Variants in PIP5K1A observed in about 807,000 individuals in gnomAD.
PIP5K1A encodes the protein phosphatidylinositol-4-phosphate 5-kinase type 1 alpha, also known as phosphatidylinositol 4-phosphate 5-kinase type-1 alpha.
PIP5K1A carries 46 observed loss-of-function variants against 72.9 expected under a neutral mutation model. The ratio of observed to expected loss-of-function variants is 0.63; its 90% confidence interval spans 0.50 to 0.81. The LOEUF is 0.81. Among genes scored for constraint, PIP5K1A ranks in the 30% least tolerant of loss-of-function variants. The pLI is 0.00. For missense variants in PIP5K1A, 458 were observed against 706.1 expected (o/e 0.65, Z 3.98); for synonymous variants, 228 against 255.1 (o/e 0.89, Z 1.01).
upstream of PIP5K1A, among the ~76,000 whole-genome samples, chr1:151,198,305 G>C (rs1365812939): frequency 6.6e-6 from 1 of 152,026 alleles, no homozygotes; most frequent in Non-Finnish European, 1.5e-5. Flanking sequence ...TTGGCGGACC[G>C]ACTCTTGTCC....
At chr1:151,210,725 A>G (rs1456150315) in intron 1 of PIP5K1A, among the ~76,000 whole-genome samples, 3 of 152,040 alleles carry the variant, frequency 2.0e-5, no homozygotes, top group Non-Finnish European at 4.4e-5. Context: ...AGTCGGGATT[A>G]CAGGTGTGCG....
chr1:151,244,311 T>C (rs1342830537), intron 14 of PIP5K1A, among the ~76,000 whole-genome samples: 1 of 152,184 alleles, frequency 6.6e-6, no homozygotes, highest in African/African-American at 2.4e-5. Flanking sequence ...ACTATTTACA[T>C]AGCATTTACA....
At chr1:151,220,695 G>C (rs893732643) in intron 1 of PIP5K1A, among the ~76,000 whole-genome samples, 15 of 152,172 alleles carry the variant, frequency 9.9e-5, no homozygotes, top group African/African-American at 3.6e-4. Flanking sequence ...TCGAACTCCT[G>C]ACCTCACGTG....
At chr1:151,232,155 C>A (rs1690175333) in intron 5 of PIP5K1A, 93 bp from the exon 6 acceptor site, 1 of 830,626 alleles carries the variant, frequency 1.2e-6, no homozygotes, top group Non-Finnish European at 2.1e-6. Context: ...CCCCACTCCC[C>A]CCACCATGAG....
Position 151,232,257 on chromosome 1 carries a change from C to T in PIP5K1A, c.378C>T (p.Ser126=), listed in dbSNP as rs1403169521. The T allele has an allele frequency of 6.2e-7, 1 of 1,611,564 alleles. No individual in the cohort carries two copies. The highest frequency in any genetic ancestry group is 1.7e-5 in the Admixed American group (1 of 60,008). ...CTGTTTAACCCCACAGTGAAGGGAG[C>T]AACCTGACCCCTGCTCATCACTACA... ...VESIFFPSEG[S]NLTPAHHYND... is the part of the protein sequence containing the mutation. Residue 126 remains serine (S), a synonymous_variant, in exon 6 of 16, where the codon AGC becomes AGT. Transcript: ENST00000368888.
chr1:151,200,812 G>GTATTTATTTATT lies in PIP5K1A; in HGVS notation c.85+1753_85+1764dup, dbSNP rs36040796. 6.5e-3 allele frequency among the ~76,000 whole-genome samples: 970 copies of GTATTTATTTATT among 149,446 alleles called. 7 individuals carry two copies. Among genetic ancestry groups the GTATTTATTTATT allele is most frequent in the African/African-American group, 0.022 (873 of 40,340 alleles). Reference sequence around the variant, plus strand: ...AATAGGATAAAGTAAAAGTGACAGGGTATTTATTTATTTATTTATTTATTT... The same window carrying GTATTTATTTATT: ...AATAGGATAAAGTAAAAGTGACAGGGTATTTATTTATTTATTTATTTATTTATTTATTTATTT... On this transcript the variant is annotated intron_variant, in intron 1 of 15. Coordinates refer to ENST00000368888, the MANE Select transcript of PIP5K1A (RefSeq NM_001135638.2).
chr1:151,244,191 AAAAGTC>A (rs1692163992), intron 14 of PIP5K1A, among the ~76,000 whole-genome samples: 1 of 146,580 alleles, frequency 6.8e-6, no homozygotes, highest in Non-Finnish European at 1.5e-5. Context: ...AAAAAAAAAA[AAAAGTC>A]GTGAAAATGT....
At chr1:151,233,130 T>G (rs1004989518) in intron 7 of PIP5K1A, among the ~76,000 whole-genome samples, 1 of 151,524 alleles carries the variant, frequency 6.6e-6, no homozygotes, top group African/African-American at 2.4e-5. Context: ...GTTGTTCAGT[T>G]TTGTGCTTTT....
chr1:151,204,374 G>A (rs1048058407), intron 1 of PIP5K1A, among the ~76,000 whole-genome samples: 1 of 151,980 alleles, frequency 6.6e-6, no homozygotes, highest in African/African-American at 2.4e-5. Flanking sequence ...ACGGGGTTTC[G>A]CCATGTTGGC....
At chr1:151,229,191 A>AAC (rs1553298123) in intron 4 of PIP5K1A, among the ~76,000 whole-genome samples, 4 of 149,712 alleles carry the variant, frequency 2.7e-5, no homozygotes, top group Admixed American at 2.7e-4. Context: ...AAAAAAAAAA[A>AAC]AACAGGAAAG....
At chr1:151,243,005 G>A (rs1691984850) in intron 14 of PIP5K1A, among the ~76,000 whole-genome samples, 1 of 152,196 alleles carries the variant, frequency 6.6e-6, no homozygotes, top group South Asian at 2.1e-4. Context: ...GTGAACAAGA[G>A]AGCATGTGCC....
intron 4 of PIP5K1A, among the ~76,000 whole-genome samples, chr1:151,230,110 A>G (rs962041197): frequency 2.0e-5 from 3 of 152,104 alleles, no homozygotes; most frequent in Non-Finnish European, 2.9e-5. Flanking sequence ...ACAAAAAACT[A>G]GTTGTAATTT....
intron 14 of PIP5K1A, among the ~76,000 whole-genome samples, chr1:151,246,700 G>A (rs768509274): frequency 1.4e-4 from 22 of 152,264 alleles, no homozygotes; most frequent in Non-Finnish European, 2.9e-4. Flanking sequence ...ACAGAAGAGG[G>A]CAGGGTACTG....
rs777320051 is a variant in PIP5K1A, at chr1:151,227,278, T to C, written c.157-42T>C. On this transcript the variant is annotated intron_variant, in intron 3 of 15. Coordinates refer to ENST00000368888, the MANE Select transcript of PIP5K1A (RefSeq NM_001135638.2). ...GTACCATTGTGGTAGCTATTTGGTG[T>C]CTTACATGGGAATTGTATTATAATC... is the stretch of plus-strand genomic sequence containing the variant. 1.1e-5 allele frequency: 13 copies of C among 1,192,048 alleles called. No homozygotes were observed. The South Asian group carries it at 1.6e-4, about 15-fold the overall frequency. 73.8% of individuals were successfully genotyped at this position (1,192,048 alleles called of 1,614,324 possible). A position where few individuals can be genotyped will look rare whatever the true frequency, so the allele number is the denominator to read the frequency against.
intron 1 of PIP5K1A, among the ~76,000 whole-genome samples, chr1:151,219,704 A>T (rs1433744048): frequency 6.6e-6 from 1 of 151,572 alleles, no homozygotes; most frequent in African/African-American, 2.4e-5. Context: ...AAAAAAAAAG[A>T]AACAAAACTG....
intron 1 of PIP5K1A, among the ~76,000 whole-genome samples, chr1:151,201,357 GT>G (rs369894732): frequency 0.017 from 2,449 of 146,014 alleles, 65 homozygotes; most frequent in African/African-American, 0.057. Flanking sequence ...TGTTTTTGTG[GT>G]TTTTTTTTTG....
chr1:151,247,753 G>T (rs1692721570), intron 15 of PIP5K1A, 110 bp from the exon 16 acceptor site: 1 of 860,818 alleles, frequency 1.2e-6, no homozygotes, highest in African/African-American at 1.7e-5. Flanking sequence ...AATATTTTTG[G>T]TACCTCATAC....
rs757694652 is a variant in PIP5K1A at position 151,236,632 on chromosome 1, G to A, written c.1014G>A (p.Glu338=). The A allele has an allele frequency of 4.5e-5, 72 of 1,613,128 alleles. No individual in the cohort carries two copies. Among genetic ancestry groups the A allele is most frequent in the Admixed American group, 3.0e-4 (18 of 59,952 alleles). Residue 338 remains glutamate, a synonymous_variant, in exon 9 of 16, where the codon GAG becomes GAA. Transcript: ENST00000368888. The part of the protein sequence containing the change: ...SIHNIDHAQR[E]PLSSETQYSV... Reference sequence around the variant, plus strand: ...ATAATATAGATCATGCACAACGAGAGCCCTTAAGCAGTGAAACACAGTACT... The same window carrying A: ...ATAATATAGATCATGCACAACGAGAACCCTTAAGCAGTGAAACACAGTACT...
At chr1:151,238,401 A>C (rs762578362) in intron 10 of PIP5K1A, 136 bp downstream of exon 10, 46 of 659,878 alleles carry the variant, frequency 7.0e-5, no homozygotes, top group Non-Finnish European at 1.1e-4. Context: ...TTACTTCATT[A>C]GTTTTCAGAT....
Sources: allele counts gnomAD v4.1 joint callset (sites outside exome capture counted in the v4.1 genomes callset), GRCh38; gene constraint gnomAD v4.1.1; transcripts MANE v1.5; gene names NCBI Gene and HGNC (gene_info 2026-07-23, HGNC 2026-07-21).